Variants in PRPF40B observed in about 807,000 individuals in gnomAD.
PRPF40B encodes the protein pre-mRNA-processing factor 40 homolog B.
A neutral mutation model predicts 124.5 loss-of-function variants in PRPF40B; 56 were observed. The ratio of observed to expected loss-of-function variants is 0.45; its 90% CI spans 0.36 to 0.56. The LOEUF is 0.56. Among genes scored for constraint, PRPF40B ranks in the 20% least tolerant of loss-of-function variants. The probability of loss-of-function intolerance (pLI) is 0.00; values close to 1 mark genes in which losing one functional copy is unlikely to be tolerated. For missense variants in PRPF40B, 1,053 were observed against 1,169.5 expected, an observed-to-expected ratio of 0.90 and a Z score of 1.45; for synonymous variants, 443 against 426.4, an observed-to-expected ratio of 1.04 and a Z score of -0.48.
At chr12:49,630,512 C>G in intron 1 of PRPF40B, 33 bp from the exon 2 acceptor site, 1 of 1,026,126 alleles carries the variant, frequency 9.7e-7, no homozygotes. Flanking sequence ...CTGTGCCCAT[C>G]CTGGGTCCTA....
At position 49,635,767 on chromosome 12, in the gene PRPF40B, C is replaced by T; in HGVS notation, c.1276-76C>T. 6.4e-7 allele frequency: 1 copy of T among 1,563,206 alleles called. No homozygotes were observed. Among genetic ancestry groups the T allele is most frequent in the Non-Finnish European group, 8.7e-7 (1 of 1,148,532 alleles). ...CCTAGGGTTCCCTAGCTACCTTTCC[C>T]CAGGTCCTCCTCTGCCCAGGCCTAC... On this transcript the variant is annotated intron_variant, in intron 14 of 25. Coordinates refer to ENST00000548825, the MANE Select transcript of PRPF40B (RefSeq NM_001031698.3). The surrounding 1 kb of genome is among the most constrained non-coding windows in gnomAD (Gnocchi z 4.1).
At position 49,635,218 on chromosome 12, in the gene PRPF40B, A is replaced by G; in HGVS notation, c.1121A>G (p.His374Arg). 1 of 1,614,094 alleles carries G rather than the reference A, an allele frequency of 6.2e-7. No individual in the cohort carries two copies. The change falls in exon 13 of 26, where the codon CAT (histidine) becomes CGT (arginine). Residue 374 changes from histidine (H) to arginine (R), a missense_variant. By Grantham distance (29) the His-to-Arg change is conservative. This residue lies in a region of PRPF40B where 895 missense variants were observed against 1,052.2 expected (regional missense o/e 0.85). Transcript: ENST00000548825. The surrounding 1 kb of genome is among the most constrained non-coding windows in gnomAD (Gnocchi z 4.1). ...AAAGAGGCCAAGCAGACCCTGCAGC[A>G]TTTCCTGGAGCAGCATGAACGCATG... ...RAKEAKQTLQ[H>R]FLEQHERMTS...
At chr12:49,627,763 G>C (rs916310514) in intron 1 of PRPF40B, among the ~76,000 whole-genome samples, 33 of 152,154 alleles carry the variant, frequency 2.2e-4, no homozygotes, top group African/African-American at 8.0e-4. Context: ...AGTGGATGTG[G>C]GGAAAACAGT....
Position 49,635,613 on chromosome 12 carries a change from C to A in PRPF40B, c.1275+140C>A. 1 of 936,138 alleles carries A rather than the reference C, an allele frequency of 1.1e-6. No individual in the cohort carries two copies. The allele number at this position is 936,138 out of a possible 1,614,324, so 58.0% of individuals were successfully genotyped here. ...GACTTGGAAGCTGGTATGGGACTTG[C>A]ACATCTCATTTCTGCTCTGGGCCTA... On this transcript the variant is annotated intron_variant, in intron 14 of 25. Coordinates refer to ENST00000548825, the MANE Select transcript of PRPF40B (RefSeq NM_001031698.3). The surrounding 1 kb of genome is among the most constrained non-coding windows in gnomAD (Gnocchi z 4.1).
At position 49,642,040 on chromosome 12, in the gene PRPF40B, G is replaced by A; in HGVS notation, c.1884+16G>A. 1 of 1,610,100 alleles carries A rather than the reference G, an allele frequency of 6.2e-7. No individual in the cohort carries two copies. Among genetic ancestry groups the A allele is most frequent in the South Asian group, 1.1e-5 (1 of 91,048 alleles). On this transcript the variant is annotated intron_variant, in intron 19 of 25. Transcript: ENST00000548825. The surrounding 1 kb of genome is among the most constrained non-coding windows in gnomAD (Gnocchi z 5.8). ...CTTCAATAGTGTGAGGGGCTGGGCG[G>A]GGCGTGGGAAGTTCTCTAATTCATC... is the stretch of plus-strand genomic sequence containing the variant.
Position 49,642,119 on chromosome 12 carries a change from T to A in PRPF40B, c.1884+95T>A. 1.2e-6 allele frequency: 2 copies of A among 1,603,548 alleles called. No homozygotes were observed. The highest frequency in any genetic ancestry group is 1.7e-6 in the Non-Finnish European group (2 of 1,172,688). On this transcript the variant is annotated intron_variant, in intron 19 of 25. Coordinates refer to ENST00000548825, the MANE Select transcript of PRPF40B (RefSeq NM_001031698.3). This position sits in a 1 kb window ranked among gnomAD's most constrained non-coding sequence, Gnocchi z 5.8. ...CTGTCCCACTGACTATATTCCCAAT[T>A]CAGGGGATGGTGGTAGAAGCCCAGA...
In PRPF40B at chr12:49,632,651, C is replaced by T; in HGVS notation, c.322+28C>T. The T allele has an allele frequency of 3.1e-6, 5 of 1,612,576 alleles. No individual in the cohort carries two copies. In the South Asian group the frequency reaches 4.4e-5, roughly 14 times the overall value. On this transcript the variant is annotated intron_variant, in intron 5 of 25. Transcript: ENST00000548825. The stretch of plus-strand genomic sequence containing the variant: ...GAGTCTTCTGGGGGCCTGCTCCCCC[C>T]AGGCTCGGAGGTTGGGGGGCATAGG...
In PRPF40B at chr12:49,632,996, G is replaced by GGGGGGGCCCCCCCCCCCC; in HGVS notation, c.349-18_349-17insGGGGGGCCCCCCCCCCCC. The GGGGGGGCCCCCCCCCCCC allele has an allele frequency of 2.6e-6, 3 of 1,147,398 alleles. No homozygotes were observed. The highest frequency in any genetic ancestry group is 3.6e-6 in the Non-Finnish European group (3 of 823,012). 71.1% of individuals were successfully genotyped at this position (1,147,398 alleles called of 1,614,324 possible). On this transcript the variant is annotated splice_polypyrimidine_tract_variant and intron_variant, in intron 6 of 25. Transcript: ENST00000548825. ...AAAGGGGCCTTGACCACCATTCTGTGCCCCCCCCCCCACCCAGAGGGCCCT... is the reference window on the plus strand; with the variant it reads ...AAAGGGGCCTTGACCACCATTCTGTGGGGGGGCCCCCCCCCCCCCCCCCCCCCCCACCCAGAGGGCCCT...
chr12:49,631,581 C>T lies in PRPF40B; in HGVS notation c.228+37C>T. The T allele has an allele frequency of 1.3e-6, 2 of 1,534,294 alleles. No individual in the cohort carries two copies. Among genetic ancestry groups the T allele is most frequent in the Non-Finnish European group, 1.7e-6 (2 of 1,144,148 alleles). On this transcript the variant is annotated intron_variant, in intron 3 of 25. Transcript: ENST00000548825. This position sits in a 1 kb window ranked among gnomAD's most constrained non-coding sequence, Gnocchi z 4.3. Reference sequence around the variant, plus strand: ...TCCTCCCCTGGGGCCTCAGAAAACCCTGTCAGTTTAGCTGGGGGTGGAGAT... The same window carrying T: ...TCCTCCCCTGGGGCCTCAGAAAACCTTGTCAGTTTAGCTGGGGGTGGAGAT...
intron 15 of PRPF40B, 138 bp downstream of exon 15, chr12:49,636,131 C>A: frequency 9.1e-7 from 1 of 1,094,490 alleles, no homozygotes; most frequent in Non-Finnish European, 1.3e-6. Flanking sequence ...TCACCCAGTC[C>A]TTGTACCTCT....
chr12:49,643,582 C>A, intron 23 of PRPF40B, 109 bp from the exon 24 acceptor site: 1 of 1,398,170 alleles, frequency 7.2e-7, no homozygotes, highest in Non-Finnish European at 9.7e-7. Context: ...CTTAGACTTC[C>A]TCAGAGCATG....
chr12:49,636,840 G>A lies in PRPF40B; in HGVS notation c.1551G>A (p.Glu517=). The A allele has an allele frequency of 1.2e-6, 2 of 1,613,954 alleles. No individual in the cohort carries two copies. The highest frequency in any genetic ancestry group is 8.5e-7 in the Non-Finnish European group (1 of 1,180,032). ...GACGCCAACAACGCAAGAATCGGGA[G>A]GCCTTCCAGGTATCTTTGCTGTCCT... ...RERRQQRKNR[E]AFQTFLDELH... is the part of the protein sequence containing the mutation. The change falls in exon 16 of 26, where the codon GAG becomes GAA. Residue 517 remains glutamate (E), a synonymous_variant. Coordinates refer to ENST00000548825, the MANE Select transcript of PRPF40B (RefSeq NM_001031698.3).
intron 4 of PRPF40B, chr12:49,632,367 A>G (rs1941305945): frequency 1.7e-6 from 1 of 587,080 alleles, no homozygotes; most frequent in Non-Finnish European, 3.0e-6. Context: ...AGTTGTCTCA[A>G]CAAAATACTC....
chr12:49,643,777 G>A lies in PRPF40B; in HGVS notation c.2442+25G>A, dbSNP rs755741125. ...GGTGAGTGAAGGAACTTCTACCTAA[G>A]CCCCTGCTATTTTGTGAGTTCTGTT... On this transcript the variant is annotated intron_variant, in intron 24 of 25. Transcript: ENST00000548825. The A allele has an allele frequency of 9.9e-6, 16 of 1,613,702 alleles. 2 individuals are homozygous for A. The Middle Eastern group carries it at 2.0e-3, about 200-fold the overall frequency.
At chr12:49,622,892 C>G (rs141514651), upstream of PRPF40B, among the ~76,000 whole-genome samples, 175 of 152,364 alleles carry the variant, frequency 1.1e-3, 1 homozygote, top group African/African-American at 3.9e-3. Context: ...GTTTCCTCAG[C>G]CGCACAGCAA....
At chr12:49,632,549 G>T (rs944230659) in intron 4 of PRPF40B, 47 bp from the exon 5 acceptor site, 2 of 1,606,518 alleles carry the variant, frequency 1.2e-6, no homozygotes, top group South Asian at 2.2e-5. Flanking sequence ...GGTCCTGGGG[G>T]CCACTGGGCT....
At chr12:49,623,449 C>G, upstream of PRPF40B, 1 of 924,614 alleles carries the variant, frequency 1.1e-6, no homozygotes, top group Non-Finnish European at 1.4e-6. Flanking sequence ...GGGCCCCGCT[C>G]GCCGGCGGGA....
rs1298731830 is a variant in PRPF40B at position 49,633,020 on chromosome 12, C to T, written c.355C>T (p.Leu119=). 3.3e-6 allele frequency: 5 copies of T among 1,517,056 alleles called. No individual in the cohort carries two copies. The African/African-American group carries it at 5.6e-5, about 17-fold the overall frequency. 94.0% of individuals were successfully genotyped at this position (1,517,056 alleles called of 1,614,324 possible). Residue 119 remains leucine, a synonymous_variant, in exon 7 of 26, where the codon CTA becomes TTA. Transcript: ENST00000548825. The part of the protein sequence containing the change: ...AVAGTGPPRA[L]WSEHVAPDGR... ...TGCCCCCCCCCCCACCCAGAGGGCC[C>T]TATGGAGTGAGCATGTGGCCCCAGA...
Position 49,635,248 on chromosome 12 carries a change from C to A in PRPF40B, c.1151C>A (p.Ser384Tyr). The A allele has an allele frequency of 6.2e-7, 1 of 1,613,436 alleles. No individual in the cohort carries two copies. Among genetic ancestry groups the A allele is most frequent in the Non-Finnish European group, 8.5e-7 (1 of 1,179,658 alleles). ...HFLEQHERMT[S>Y]TTRYRRAEQT... Reference sequence around the variant, plus strand: ...CTGGAGCAGCATGAACGCATGACCTCCACCACCCGCTACCGGTCAGGGGGC... The same window carrying A: ...CTGGAGCAGCATGAACGCATGACCTACACCACCCGCTACCGGTCAGGGGGC... The change falls in exon 13 of 26, where the codon TCC becomes TAC. Residue 384 changes from serine to tyrosine, a missense_variant. By Grantham distance (144) the Ser-to-Tyr change is moderately radical. Coordinates refer to ENST00000548825, the MANE Select transcript of PRPF40B (RefSeq NM_001031698.3). The surrounding 1 kb of genome is among the most constrained non-coding windows in gnomAD (Gnocchi z 4.1).
Sources: allele counts gnomAD v4.1 joint callset (sites outside exome capture counted in the v4.1 genomes callset), GRCh38; gene constraint gnomAD v4.1.1; regional missense constraint gnomAD v4.1.1; non-coding constraint Gnocchi (gnomAD v3.1); transcripts MANE v1.5; gene names NCBI Gene and HGNC (gene_info 2026-07-23, HGNC 2026-07-21).